Variants in TRIM42 observed in about 807,000 individuals in gnomAD.
TRIM42 encodes the protein tripartite motif-containing protein 42.
Under a neutral mutation model 64.9 loss-of-function variants are expected in TRIM42, and 59 were observed. The ratio of observed to expected loss-of-function variants is 0.91; its 90% CI spans 0.74 to 1.13. The LOEUF (loss-of-function observed/expected upper bound fraction) is 1.13, where lower values mean the gene tolerates loss of function less well. Among genes scored for constraint, TRIM42 ranks in the 50% most tolerant of loss-of-function variants. The pLI, the probability that TRIM42 is intolerant of heterozygous loss-of-function variation, is 0.00. For synonymous variants in TRIM42, 354 were observed against 346.3 expected (o/e 1.02, Z -0.25); for missense variants, 878 against 929.5 (o/e 0.94, Z 0.72).
chr3:140,701,148 T>C lies in TRIM42; in HGVS notation c.*174T>C. On this transcript the variant is annotated 3_prime_UTR_variant, in exon 5 of 5. Coordinates refer to ENST00000286349, the MANE Select transcript of TRIM42 (RefSeq NM_152616.5). ...GTAAGAGCTAATAAAAGGAAATACC[T>C]GACATGGCTTGCTGTTTGTTCAATG... The C allele has an allele frequency of 3.7e-6, 2 of 543,716 alleles. No individual in the cohort carries two copies. The highest frequency in any genetic ancestry group is 4.5e-5 in the South Asian group (2 of 43,966). 33.7% of individuals were successfully genotyped at this position (543,716 alleles called of 1,614,324 possible). A position where few individuals can be genotyped will look rare whatever the true frequency, so the allele number is the denominator to read the frequency against.
Position 140,688,030 on chromosome 3 carries a change from G to A in TRIM42, c.1348G>A (p.Val450Met). Residue 450 changes from valine to methionine, a missense_variant, in exon 3 of 5, where the codon GTG (valine) becomes ATG (methionine). By Grantham distance (21) the Val-to-Met change is conservative. Coordinates refer to ENST00000286349, the MANE Select transcript of TRIM42 (RefSeq NM_152616.5). Reference protein sequence around the residue: ...VAFLQSAKILVDQIEDGIQTT... With the variant: ...VAFLQSAKILMDQIEDGIQTT... ...ATTCCTGCAGTCAGCCAAGATCCTG[G>A]TGGACCAGATCGAGGACGGCATCCA... is the stretch of plus-strand genomic sequence containing the variant. 6.2e-7 allele frequency: 1 copy of A among 1,614,190 alleles called. No individual in the cohort carries two copies. Among genetic ancestry groups the A allele is most frequent in the Non-Finnish European group, 8.5e-7 (1 of 1,180,026 alleles).
chr3:140,687,250 C>T (rs959726326), intron 2 of TRIM42, among the ~76,000 whole-genome samples: 11 of 152,184 alleles, frequency 7.2e-5, no homozygotes, highest in African/African-American at 2.2e-4. Context: ...TTGTATAGGG[C>T]TGGAGGCTTA....
At chr3:140,696,862 A>C (rs1988865852) in intron 4 of TRIM42, among the ~76,000 whole-genome samples, 1 of 152,150 alleles carries the variant, frequency 6.6e-6, no homozygotes. Context: ...TCACACTCTA[A>C]GTACTGGGGG....
intron 2 of TRIM42, 129 bp from the exon 3 acceptor site, chr3:140,687,593 A>G: frequency 1.5e-6 from 1 of 684,696 alleles, no homozygotes; most frequent in African/African-American, 1.8e-5. Flanking sequence ...TTTCAGCCCA[A>G]CTACAAGTGC....
chr3:140,694,910 G>T (rs1988810763), intron 4 of TRIM42, among the ~76,000 whole-genome samples: 2 of 152,126 alleles, frequency 1.3e-5, no homozygotes, highest in African/African-American at 4.8e-5. Context: ...CCTTGTGACT[G>T]CTTTGAGCCC....
At chr3:140,683,919 C>T (rs554063528) in intron 2 of TRIM42, among the ~76,000 whole-genome samples, 119 of 152,236 alleles carry the variant, frequency 7.8e-4, no homozygotes, top group African/African-American at 2.6e-3. Flanking sequence ...AAGAGTATTT[C>T]ACAGGATTCA....
At position 140,701,000 on chromosome 3, in the gene TRIM42, C is replaced by T; in HGVS notation, c.*26C>T. The T allele has an allele frequency of 1.9e-6, 3 of 1,602,152 alleles. No homozygotes were observed. The highest frequency in any genetic ancestry group is 2.6e-6 in the Non-Finnish European group (3 of 1,169,802). ...GCCCCTTCAGAGCAGGAAACAACCT[C>T]AGACTCATCACAAAGTAGACATATA... is the stretch of plus-strand genomic sequence containing the variant. On this transcript the variant is annotated 3_prime_UTR_variant, in exon 5 of 5. Coordinates refer to ENST00000286349, the MANE Select transcript of TRIM42 (RefSeq NM_152616.5).
At chr3:140,698,884 G>T (rs529590624) in intron 4 of TRIM42, among the ~76,000 whole-genome samples, 9 of 152,002 alleles carry the variant, frequency 5.9e-5, no homozygotes, top group African/African-American at 2.2e-4. Flanking sequence ...TTTCCTTATG[G>T]CTTTGGCCAG....
Position 140,696,134 on chromosome 3 carries a change from T to C in TRIM42, c.2086-4754T>C, listed in dbSNP as rs114858977. ...ATGGTCCATCATTAGCACTGATCTA[T>C]ACAAAGCCCTATTCTTATTTATATA... On this transcript the variant is annotated intron_variant, in intron 4 of 4. Coordinates refer to ENST00000286349, the MANE Select transcript of TRIM42 (RefSeq NM_152616.5). Among the ~76,000 whole-genome samples the C allele has an allele frequency of 1.4e-3, 209 of 152,362 alleles. 1 individual carries two copies. Among genetic ancestry groups the C allele is most frequent in the African/African-American group, 4.9e-3 (204 of 41,580 alleles).
chr3:140,697,832 C>A (rs1475107047), intron 4 of TRIM42, among the ~76,000 whole-genome samples: 1 of 152,220 alleles, frequency 6.6e-6, no homozygotes, highest in South Asian at 2.1e-4. Context: ...TACAGGCGCC[C>A]GCCACCACGC....
chr3:140,679,700 T>C (rs1367880686), intron 1 of TRIM42, among the ~76,000 whole-genome samples: 1 of 152,094 alleles, frequency 6.6e-6, no homozygotes, highest in Non-Finnish European at 1.5e-5. Flanking sequence ...GTGTCCACAC[T>C]CCTCTCTCAA....
intron 4 of TRIM42, among the ~76,000 whole-genome samples, chr3:140,693,923 C>T (rs1162312437): frequency 6.6e-6 from 1 of 152,146 alleles, no homozygotes; most frequent in Non-Finnish European, 1.5e-5. Context: ...ATCCCAACCA[C>T]TGGGAAAGGA....
At chr3:140,699,971 CT>C (rs1988956492) in intron 4 of TRIM42, among the ~76,000 whole-genome samples, 1 of 152,130 alleles carries the variant, frequency 6.6e-6, no homozygotes, top group Admixed American at 6.5e-5. Context: ...ACTTTGTGCC[CT>C]GTATAAACAT....
chr3:140,698,571 C>G (rs1988915978), intron 4 of TRIM42, among the ~76,000 whole-genome samples: 1 of 152,138 alleles, frequency 6.6e-6, no homozygotes, highest in Non-Finnish European at 1.5e-5. Context: ...AATTATTTTA[C>G]TTTGTATACA....
In TRIM42 at chr3:140,701,034, T is replaced by A. The variant is rs1305355607; in HGVS notation, c.*60T>A. The A allele has an allele frequency of 2.2e-6, 3 of 1,388,714 alleles. No homozygotes were observed. The Admixed American group carries it at 6.0e-5, about 28-fold the overall frequency. 86.0% of individuals were successfully genotyped at this position (1,388,714 alleles called of 1,614,324 possible). ...CACAAAGTAGACATATACACACACA[T>A]ATATGTATGTATATTTTTCTCACCA... On this transcript the variant is annotated 3_prime_UTR_variant, in exon 5 of 5. Transcript: ENST00000286349.
intron 4 of TRIM42, among the ~76,000 whole-genome samples, chr3:140,693,257 CT>C (rs1576420934): frequency 1.3e-5 from 2 of 152,188 alleles, no homozygotes; most frequent in East Asian, 3.8e-4. Context: ...TAGCATTTCC[CT>C]TGAAATTGTG....
chr3:140,682,067 A>G (rs1229925594), intron 1 of TRIM42, among the ~76,000 whole-genome samples: 1 of 152,098 alleles, frequency 6.6e-6, no homozygotes, highest in Non-Finnish European at 1.5e-5. Flanking sequence ...CCGATGTTCA[A>G]CCGAACACCA....
In TRIM42 at chr3:140,683,076, A is replaced by G. The variant is rs142356932; in HGVS notation, c.956A>G (p.Asn319Ser). ...ACCTTCTGCAAGTTCTCTTTCCACAATGGCCACGACACCATTAGCCTCATC... is the reference window on the plus strand; with the variant it reads ...ACCTTCTGCAAGTTCTCTTTCCACAGTGGCCACGACACCATTAGCCTCATC... ...LCTFCKFSFH[N>S]GHDTISLIDA... Residue 319 changes from asparagine to serine, a missense_variant, in exon 2 of 5, where the codon AAT becomes AGT. Physicochemically the swap from Asn to Ser is conservative, Grantham distance 46. Coordinates refer to ENST00000286349, the MANE Select transcript of TRIM42 (RefSeq NM_152616.5). 3 of 1,614,106 alleles carry G rather than the reference A, an allele frequency of 1.9e-6. No homozygotes were observed. The highest frequency in any genetic ancestry group is 1.6e-4 in the Middle Eastern group (1 of 6,062).
chr3:140,691,065 G>A lies in TRIM42; in HGVS notation c.1958G>A (p.Cys653Tyr). 1.2e-6 allele frequency: 2 copies of A among 1,614,122 alleles called. No homozygotes were observed. Among genetic ancestry groups the A allele is most frequent in the Admixed American group, 1.7e-5 (1 of 60,030 alleles). Residue 653 changes from cysteine (C) to tyrosine (Y), a missense_variant, in exon 4 of 5, where the codon TGT becomes TAT. Transcript: ENST00000286349. ...SPPNNVQMELCGQIRDIMQQN... is the reference protein window; with the variant it reads ...SPPNNVQMELYGQIRDIMQQN... ...CCTAACAACGTACAAATGGAGCTCT[G>A]TGGACAAATTCGGGACATAATGCAG...
Sources: allele counts gnomAD v4.1 joint callset (sites outside exome capture counted in the v4.1 genomes callset), GRCh38; gene constraint gnomAD v4.1.1; transcripts MANE v1.5; gene names NCBI Gene and HGNC (gene_info 2026-07-23, HGNC 2026-07-21).